FOXN3: variants seen among roughly 807,000 people sequenced by gnomAD.
FOXN3 encodes the protein forkhead box protein N3.
FOXN3 carries 7 observed loss-of-function variants against 38.4 expected under a neutral mutation model. That is an observed-to-expected ratio of 0.18 (90% confidence interval 0.10 to 0.34). The LOEUF is 0.34. Among genes scored for constraint, FOXN3 ranks in the 10% least tolerant of loss-of-function variants. The pLI, the probability that FOXN3 is intolerant of heterozygous loss-of-function variation, is 1.00. For synonymous variants in FOXN3, 230 were observed against 242.2 expected (o/e 0.95, Z 0.47); for missense variants, 456 against 613.4 (o/e 0.74, Z 2.71).
chr14:89,464,896 C>T (rs1892941702), intron 1 of FOXN3, among the ~76,000 whole-genome samples: 1 of 152,116 alleles, frequency 6.6e-6, no homozygotes, highest in Non-Finnish European at 1.5e-5. Flanking sequence ...TTGAGTTTCA[C>T]CATGTTGGCC....
At chr14:89,395,299 A>AAT (rs1297273696) in intron 2 of FOXN3, among the ~76,000 whole-genome samples, 1 of 152,212 alleles carries the variant, frequency 6.6e-6, no homozygotes, top group African/African-American at 2.4e-5. Context: ...AAACATACTG[A>AAT]ATGAACACAG....
intron 1 of FOXN3, among the ~76,000 whole-genome samples, chr14:89,542,696 G>A (rs1158967112): frequency 1.3e-4 from 20 of 152,190 alleles, no homozygotes. Context: ...GTATTAAGGA[G>A]ATTTATAATT....
chr14:89,313,769 T>C (rs1887642166), intron 3 of FOXN3, among the ~76,000 whole-genome samples: 2 of 152,180 alleles, frequency 1.3e-5, no homozygotes, highest in Admixed American at 6.5e-5. Context: ...AAATGTGGTA[T>C]TATACATACA....
intron 2 of FOXN3, among the ~76,000 whole-genome samples, chr14:89,405,348 G>A (rs1891361029): frequency 6.6e-6 from 1 of 152,084 alleles, no homozygotes; most frequent in Admixed American, 6.6e-5. Context: ...TGATGGCCAG[G>A]CTGGTCTTGA....
At chr14:89,309,288 C>T (rs1043463922) in intron 3 of FOXN3, among the ~76,000 whole-genome samples, 2 of 151,980 alleles carry the variant, frequency 1.3e-5, no homozygotes, top group African/African-American at 2.4e-5. Context: ...GGAGTTGCCA[C>T]GTGCCACCAC....
chr14:89,193,330 A>C (rs1206517039), intron 4 of FOXN3, among the ~76,000 whole-genome samples: 1 of 152,226 alleles, frequency 6.6e-6, no homozygotes, highest in Non-Finnish European at 1.5e-5. Flanking sequence ...TATTCTTCCA[A>C]AACACATTAA....
rs1282956227 is a variant in FOXN3 at position 89,163,118 on chromosome 14, G to C, written c.852-149C>G. The C allele has an allele frequency of 7.3e-6, 5 of 684,128 alleles. No individual in the cohort carries two copies. Among genetic ancestry groups the C allele is most frequent in the Non-Finnish European group, 1.1e-5 (5 of 441,174 alleles). 42.4% of individuals were successfully genotyped at this position (684,128 alleles called of 1,614,324 possible). ...CCACTCGCAAACTGTGGGGGCAACA[G>C]GTGGATCTGCTTTGAAGGCAGGGTC... is the stretch of plus-strand genomic sequence containing the variant. On this transcript the variant is annotated intron_variant, in intron 5 of 5. Transcript: ENST00000557258. The surrounding 1 kb of genome is among the most constrained non-coding windows in gnomAD (Gnocchi z 4.3).
chr14:89,219,989 A>T (rs943107662), intron 4 of FOXN3, among the ~76,000 whole-genome samples: 2 of 152,212 alleles, frequency 1.3e-5, no homozygotes, highest in African/African-American at 2.4e-5. Flanking sequence ...CTATTTTTTT[A>T]AAATTATAAT....
At chr14:89,302,926 G>A (rs577186890) in intron 3 of FOXN3, among the ~76,000 whole-genome samples, 1 of 152,280 alleles carries the variant, frequency 6.6e-6, no homozygotes, top group Admixed American at 6.5e-5. Flanking sequence ...TATGTGTAGG[G>A]CATTCTTTGC....
chr14:89,528,406 T>C (rs911454440), intron 1 of FOXN3, among the ~76,000 whole-genome samples: 1 of 99,948 alleles, frequency 1.0e-5, no homozygotes, highest in Admixed American at 9.7e-5. Flanking sequence ...TTTTTTTTTT[T>C]TTTGAAAAAG....
At chr14:89,488,935 A>G (rs569191399) in intron 1 of FOXN3, among the ~76,000 whole-genome samples, 1 of 152,334 alleles carries the variant, frequency 6.6e-6, no homozygotes, top group South Asian at 2.1e-4. Flanking sequence ...TTAAATTAAT[A>G]CATCTCCAAT....
At chr14:89,173,410 T>C (rs754917796) in intron 5 of FOXN3, among the ~76,000 whole-genome samples, 6 of 152,226 alleles carry the variant, frequency 3.9e-5, no homozygotes, top group African/African-American at 1.2e-4. Context: ...CATTACCTTG[T>C]AAAGCTGAGC....
intron 1 of FOXN3, among the ~76,000 whole-genome samples, chr14:89,424,380 C>A (rs1006035314): frequency 6.6e-6 from 1 of 152,164 alleles, no homozygotes; most frequent in East Asian, 1.9e-4. Context: ...TCAGGAGGGA[C>A]AAAACGATCC....
In FOXN3 at chr14:89,325,711, G is replaced by C. The variant is rs1232477146; in HGVS notation, c.680+24961C>G. Among the ~76,000 whole-genome samples, 3 of 152,224 alleles carry C rather than the reference G, an allele frequency of 2.0e-5. No individual in the cohort carries two copies. In the East Asian group the frequency reaches 5.8e-4, roughly 29 times the overall value. On this transcript the variant is annotated intron_variant, in intron 3 of 5. Transcript: ENST00000557258. The stretch of plus-strand genomic sequence containing the variant: ...GCCCAGTTTTACAGATCAGTGAACA[G>C]AGAACAGAAGAGGTGACACTGCAGG...
chr14:89,600,900 C>G (rs1192819630), intron 1 of FOXN3, among the ~76,000 whole-genome samples: 1 of 152,226 alleles, frequency 6.6e-6, no homozygotes, highest in East Asian at 1.9e-4. Flanking sequence ...ACCATATTCC[C>G]TTTTCTATTT....
At chr14:89,383,297 A>G (rs142947431) in intron 2 of FOXN3, among the ~76,000 whole-genome samples, 218 of 152,300 alleles carry the variant, frequency 1.4e-3, no homozygotes, top group African/African-American at 4.9e-3. Context: ...ACATCTTCCA[A>G]TGCATGAGGC....
At chr14:89,420,531 G>A (rs77903771), upstream of FOXN3, among the ~76,000 whole-genome samples, 66 of 152,288 alleles carry the variant, frequency 4.3e-4, 1 homozygote, top group Non-Finnish European at 7.8e-4. Flanking sequence ...ATGGTGCCTG[G>A]ATATGTGTAT....
intron 4 of FOXN3, among the ~76,000 whole-genome samples, chr14:89,213,525 T>C (rs1297750671): frequency 6.6e-6 from 1 of 152,222 alleles, no homozygotes; most frequent in African/African-American, 2.4e-5. Context: ...AACATATAGC[T>C]ACTGTTTCAA....
intron 1 of FOXN3, among the ~76,000 whole-genome samples, chr14:89,574,559 C>T (rs957018457): frequency 3.9e-5 from 6 of 152,108 alleles, no homozygotes; most frequent in African/African-American, 1.4e-4. Flanking sequence ...CCCAGCTCTG[C>T]CCCCTGCCAA....
Sources: allele counts gnomAD v4.1 joint callset (sites outside exome capture counted in the v4.1 genomes callset), GRCh38; gene constraint gnomAD v4.1.1; non-coding constraint Gnocchi (gnomAD v3.1); transcripts MANE v1.5; gene names NCBI Gene and HGNC (gene_info 2026-07-23, HGNC 2026-07-21).